The following ELOC variants were observed in gnomAD, a reference collection of about 807,000 sequenced individuals.
ELOC encodes the protein elongin-C.
For missense variants in ELOC, 38 were observed against 139.0 expected (o/e 0.27, Z 3.65); for synonymous variants, 40 against 51.3 (o/e 0.78, Z 0.94).
chr8:73,970,582 A>G (rs1327675255), intron 1 of ELOC: 8 of 152,218 alleles, frequency 5.3e-5, no homozygotes, highest in Non-Finnish European at 1.2e-4. Context: ...TACGTACCAC[A>G]GCTGTTTCCT....
intron 1 of ELOC, among the ~76,000 whole-genome samples, chr8:73,963,094 CA>C (rs1814715957): frequency 1.3e-5 from 2 of 152,164 alleles, no homozygotes; most frequent in Admixed American, 1.3e-4. Flanking sequence ...AGAGCATGAA[CA>C]ATGGCCTGAG....
intron 3 of ELOC, among the ~76,000 whole-genome samples, chr8:73,949,171 A>G (rs1813587723): frequency 6.6e-6 from 1 of 152,266 alleles, no homozygotes; most frequent in Non-Finnish European, 1.5e-5. Context: ...GTATTTTAAA[A>G]TACTAAAATA....
At chr8:73,964,824 G>A (rs1814857778) in intron 1 of ELOC, among the ~76,000 whole-genome samples, 2 of 152,098 alleles carry the variant, frequency 1.3e-5, no homozygotes, top group Non-Finnish European at 1.5e-5. Context: ...AGGAGTTTGA[G>A]ACCAGCCTGG....
At position 73,965,611 on chromosome 8, in the gene ELOC, G is replaced by C. The variant is rs150395464; in HGVS notation, c.-50-5793C>G. Among the ~76,000 whole-genome samples, 909 of 152,240 alleles carry C rather than the reference G, an allele frequency of 6.0e-3. 13 individuals carry two copies. Among genetic ancestry groups the C allele is most frequent in the African/African-American group, 0.021 (864 of 41,536 alleles). On this transcript the variant is annotated intron_variant, in intron 1 of 3. Transcript: ENST00000520242. ...GACAGCTCAGCAGGTGATTAGAGAG[G>C]AACATTCTGGAGTGATAAAAATGTC...
chr8:73,952,682 G>A (rs921951500), intron 3 of ELOC, among the ~76,000 whole-genome samples: 1 of 150,486 alleles, frequency 6.6e-6, no homozygotes, highest in Non-Finnish European at 1.5e-5. Context: ...TCGGGAGGCT[G>A]AGGCAGGAGA....
At chr8:73,967,401 T>C (rs1815061784) in intron 1 of ELOC, among the ~76,000 whole-genome samples, 2 of 151,862 alleles carry the variant, frequency 1.3e-5, no homozygotes, top group African/African-American at 4.8e-5. Flanking sequence ...AACGATTGAG[T>C]GTGGCTATGA....
chr8:73,966,044 T>A (rs949383326), intron 1 of ELOC, among the ~76,000 whole-genome samples: 13 of 152,120 alleles, frequency 8.5e-5, no homozygotes, highest in African/African-American at 3.1e-4. Context: ...ATGACCTCAG[T>A]CAGACAGCTT....
chr8:73,951,647 C>CACAACAACAACAACAACA (rs71269967), intron 3 of ELOC, among the ~76,000 whole-genome samples: 20 of 149,920 alleles, frequency 1.3e-4, no homozygotes, highest in African/African-American at 4.4e-4. Context: ...CAAAAAACCC[C>CACAACAACAACAACAACA]ACAACAACAA....
At chr8:73,965,431 T>C (rs780014330) in intron 1 of ELOC, among the ~76,000 whole-genome samples, 4 of 152,178 alleles carry the variant, frequency 2.6e-5, no homozygotes, top group Non-Finnish European at 5.9e-5. Context: ...GGTACATTCA[T>C]ACAGAGCAGT....
In ELOC at chr8:73,964,093, CAAAA is replaced by C. The variant is rs61094442; in HGVS notation, c.-50-4279_-50-4276del. On this transcript the variant is annotated intron_variant, in intron 1 of 3. Transcript: ENST00000520242. ...GGGCGATAAGAGTGAAATTCCGTCT[CAAAA>C]AAAAAAAAAAAAAAAAGTATTACAT... is the stretch of plus-strand genomic sequence containing the variant. 7.5e-4 allele frequency among the ~76,000 whole-genome samples: 60 copies of C among 80,332 alleles called. 1 individual carries two copies. The Middle Eastern group carries it at 0.051, about 69-fold the overall frequency. 52.7% of individuals were successfully genotyped at this position (80,332 alleles called of 152,430 possible). A position where few individuals can be genotyped will look rare whatever the true frequency, so the allele number is the denominator to read the frequency against.
intron 1 of ELOC, among the ~76,000 whole-genome samples, chr8:73,969,965 C>T (rs1007275153): frequency 3.9e-5 from 6 of 152,222 alleles, no homozygotes; most frequent in Non-Finnish European, 8.8e-5. Flanking sequence ...TTTAGGACAG[C>T]AGTTTAGCTG....
Position 73,945,149 on chromosome 8 carries a change from G to A in ELOC, c.*1481C>T, listed in dbSNP as rs1390671627. 1.1e-4 allele frequency: 13 copies of A among 114,262 alleles called. No homozygotes were observed. The highest frequency in any genetic ancestry group is 1.3e-4 in the Admixed American group (1 of 7,900). 7.1% of individuals were successfully genotyped at this position (114,262 alleles called of 1,614,324 possible). A position where few individuals can be genotyped will look rare whatever the true frequency, so the allele number is the denominator to read the frequency against. Reference sequence around the variant, plus strand: ...TTTTTTTTTTTTTTGAGACAGTCTCGCTCTGTCACCCAGGCTGGAGTGCAG... The same window carrying A: ...TTTTTTTTTTTTTTGAGACAGTCTCACTCTGTCACCCAGGCTGGAGTGCAG... On this transcript the variant is annotated 3_prime_UTR_variant, in exon 4 of 4. Transcript: ENST00000520242.
intron 2 of ELOC, among the ~76,000 whole-genome samples, chr8:73,959,543 A>G (rs1814447462): frequency 6.6e-6 from 1 of 152,224 alleles, no homozygotes; most frequent in African/African-American, 2.4e-5. Flanking sequence ...GGAATTTTTC[A>G]GCTCTATTAT....
chr8:73,968,899 C>A (rs963850107), intron 1 of ELOC, among the ~76,000 whole-genome samples: 4 of 152,180 alleles, frequency 2.6e-5, no homozygotes, highest in African/African-American at 9.7e-5. Flanking sequence ...CTACTCCCTC[C>A]ATCTTGAAAC....
chr8:73,953,575 G>C (rs1314153688), intron 3 of ELOC, among the ~76,000 whole-genome samples: 1 of 151,746 alleles, frequency 6.6e-6, no homozygotes, highest in Non-Finnish European at 1.5e-5. Flanking sequence ...CAGGAGAATC[G>C]CTTGAACCTG....
Position 73,970,868 on chromosome 8 carries a change from A to C in ELOC, c.-51+1209T>G, listed in dbSNP as rs200515198. Reference sequence around the variant, plus strand: ...CATCTCTACTAAAAAACAAAACAAAACAAAAAAAAAACAAAATTAGCCGGC... The same window carrying C: ...CATCTCTACTAAAAAACAAAACAAACCAAAAAAAAAACAAAATTAGCCGGC... On this transcript the variant is annotated intron_variant, in intron 1 of 3. Coordinates refer to ENST00000520242, the MANE Select transcript of ELOC (RefSeq NM_005648.4). Among the ~76,000 whole-genome samples the C allele has an allele frequency of 0.24, 33,668 of 138,244 alleles. 4,174 individuals are homozygous for C. The highest frequency in any genetic ancestry group is 0.28 in the Non-Finnish European group (18,496 of 65,032). 90.7% of individuals were successfully genotyped at this position (138,244 alleles called of 152,430 possible). A position where few individuals can be genotyped will look rare whatever the true frequency, so the allele number is the denominator to read the frequency against.
In ELOC at chr8:73,955,901, C is replaced by T. The variant is rs746557963; in HGVS notation, c.148+10G>A. ...TGAATATATGAAGAAAAAGACAGAA[C>T]TGTGCTTACCTGGGCCACTCAACAT... On this transcript the variant is annotated intron_variant, in intron 3 of 3. Coordinates refer to ENST00000520242, the MANE Select transcript of ELOC (RefSeq NM_005648.4). 5 of 1,599,326 alleles carry T rather than the reference C, an allele frequency of 3.1e-6. No individual in the cohort carries two copies. The African/African-American group carries it at 5.4e-5, about 17-fold the overall frequency.
At chr8:73,963,272 A>G (rs1175693788) in intron 1 of ELOC, among the ~76,000 whole-genome samples, 4 of 152,192 alleles carry the variant, frequency 2.6e-5, no homozygotes, top group Non-Finnish European at 4.4e-5. Flanking sequence ...AGATATTTGA[A>G]TAGCTTATCC....
At chr8:73,971,032 CAAAAAAAAAAAAAA>C (rs67188912) in intron 1 of ELOC, among the ~76,000 whole-genome samples, 2 of 62,036 alleles carry the variant, frequency 3.2e-5, no homozygotes, top group South Asian at 1.3e-3. Flanking sequence ...GACTCCGTCT[CAAAAAAAAAAAAAA>C]AAAAAGAAAA....
Sources: allele counts gnomAD v4.1 joint callset (sites outside exome capture counted in the v4.1 genomes callset), GRCh38; gene constraint gnomAD v4.1.1; transcripts MANE v1.5; gene names NCBI Gene and HGNC (gene_info 2026-07-23, HGNC 2026-07-21).